Variants in RNF144A observed in about 807,000 individuals in gnomAD.
RNF144A encodes the protein ring finger protein 144A.
Under a neutral mutation model 38.7 loss-of-function variants are expected in RNF144A, and 11 were observed. That is an observed-to-expected ratio of 0.28 (90% CI 0.18 to 0.47). The LOEUF (loss-of-function observed/expected upper bound fraction) is 0.47. Ranked by LOEUF, RNF144A falls within the 20% of genes least tolerant of loss-of-function variation. RNF144A has a pLI of 0.99. For missense variants in RNF144A, 316 were observed against 377.2 expected, an observed-to-expected ratio of 0.84 and a Z score of 1.34; for synonymous variants, 149 against 143.9, an observed-to-expected ratio of 1.04 and a Z score of -0.25.
At chr2:7,002,785 T>C (rs1233427896) in intron 3 of RNF144A, among the ~76,000 whole-genome samples, 1 of 152,188 alleles carries the variant, frequency 6.6e-6, no homozygotes, top group African/African-American at 2.4e-5. Context: ...AAGAGAGGTG[T>C]GGAACAGCCT....
chr2:7,014,218 A>C (rs1320352558), intron 3 of RNF144A, among the ~76,000 whole-genome samples: 1 of 152,206 alleles, frequency 6.6e-6, no homozygotes, highest in African/African-American at 2.4e-5. Context: ...GATCTAACCC[A>C]TAGCCTTAGC....
At chr2:7,023,453 G>A (rs549761497) in intron 6 of RNF144A, among the ~76,000 whole-genome samples, 1 of 152,292 alleles carries the variant, frequency 6.6e-6, no homozygotes, top group African/African-American at 2.4e-5. Flanking sequence ...AAGGAGGGAT[G>A]CATTTTCTCC....
At chr2:6,992,149 A>G (rs187334669) in intron 2 of RNF144A, among the ~76,000 whole-genome samples, 382 of 152,278 alleles carry the variant, frequency 2.5e-3, no homozygotes, top group African/African-American at 8.7e-3. Context: ...TGAGTGAGAT[A>G]GACTTGGTTG....
chr2:6,959,584 C>T (rs975354511), intron 2 of RNF144A, among the ~76,000 whole-genome samples: 15 of 152,172 alleles, frequency 9.9e-5, no homozygotes, highest in African/African-American at 2.9e-4. Context: ...AGGGGCCTCA[C>T]GCGGCATCAT....
In RNF144A at chr2:7,000,780, AG is replaced by A. The variant is rs1422213586; in HGVS notation, c.135+3720del. ...TTCTTAAAAAAAACAGTCTAATGAA[AG>A]TTATTTTTTAATGATGACAAGATTG... On this transcript the variant is annotated intron_variant, in intron 3 of 8. Transcript: ENST00000320892. 2.0e-5 allele frequency among the ~76,000 whole-genome samples: 3 copies of A among 151,910 alleles called. No homozygotes were observed. In the East Asian group the frequency reaches 5.8e-4, roughly 29 times the overall value.
intron 6 of RNF144A, among the ~76,000 whole-genome samples, chr2:7,049,930 A>G (rs1160798369): frequency 6.6e-6 from 1 of 152,256 alleles, no homozygotes; most frequent in Non-Finnish European, 1.5e-5. Flanking sequence ...GCTTTTGGAA[A>G]CGCCAGGGGC....
At chr2:6,949,975 CT>C (rs1293404413) in intron 2 of RNF144A, among the ~76,000 whole-genome samples, 32 of 152,052 alleles carry the variant, frequency 2.1e-4, no homozygotes, top group African/African-American at 7.2e-4. Context: ...ATTTACCCCT[CT>C]AGAAAATTTA....
intron 3 of RNF144A, among the ~76,000 whole-genome samples, chr2:7,009,442 A>G (rs1326263364): frequency 6.6e-6 from 1 of 152,020 alleles, no homozygotes; most frequent in Non-Finnish European, 1.5e-5. Context: ...CTGTGGTGAG[A>G]GCACAGGAGG....
intron 1 of RNF144A, among the ~76,000 whole-genome samples, chr2:6,921,857 C>T (rs1664558851): frequency 6.6e-6 from 1 of 152,168 alleles, no homozygotes; most frequent in South Asian, 2.1e-4. Flanking sequence ...CATTCTGGGC[C>T]TGGGAACAGC....
intron 2 of RNF144A, among the ~76,000 whole-genome samples, chr2:6,974,056 AG>A (rs1668156145): frequency 1.3e-5 from 2 of 152,122 alleles, no homozygotes; most frequent in Admixed American, 1.3e-4. Context: ...CTAGATTTTT[AG>A]GCTATGGCTC....
At chr2:6,930,551 C>T (rs1225729738) in intron 1 of RNF144A, among the ~76,000 whole-genome samples, 4 of 151,906 alleles carry the variant, frequency 2.6e-5, no homozygotes, top group Non-Finnish European at 5.9e-5. Context: ...TAGATACACA[C>T]ACTTTATCTA....
chr2:7,047,921 T>G (rs894284755), downstream of RNF144A, among the ~76,000 whole-genome samples: 1 of 152,152 alleles, frequency 6.6e-6, no homozygotes, highest in African/African-American at 2.4e-5. Context: ...GGAACCCAAG[T>G]CTGCCCTGCG....
Position 6,917,889 on chromosome 2 carries a change from C to G in RNF144A, c.-212+267C>G, listed in dbSNP as rs1293354410. Among the ~76,000 whole-genome samples, 3 of 151,286 alleles carry G rather than the reference C, an allele frequency of 2.0e-5. No individual in the cohort carries two copies. Among genetic ancestry groups the G allele is most frequent in the Non-Finnish European group, 3.0e-5 (2 of 67,752 alleles). ...GCTCTGCTCCTGCCCTGCCCTGCCT[C>G]TCGCAGGCGGCGCCCGCGCCCCAGG... On this transcript the variant is annotated intron_variant, in intron 1 of 8. Coordinates refer to ENST00000320892, the MANE Select transcript of RNF144A (RefSeq NM_014746.6). The surrounding 1 kb of genome is among the most constrained non-coding windows in gnomAD (Gnocchi z 4.8).
At chr2:6,955,367 G>C (rs1209892450) in intron 2 of RNF144A, among the ~76,000 whole-genome samples, 1 of 152,076 alleles carries the variant, frequency 6.6e-6, no homozygotes, top group East Asian at 1.9e-4. Context: ...CCCCTCTGTG[G>C]TTCCCCTCTG....
At chr2:6,992,784 C>G (rs11691419) in intron 2 of RNF144A, among the ~76,000 whole-genome samples, 40,323 of 152,184 alleles carry the variant, frequency 0.26, 6,109 homozygotes, top group Middle Eastern at 0.36. Context: ...CTACAGTGGA[C>G]TATTTTCTCT....
downstream of RNF144A, among the ~76,000 whole-genome samples, chr2:7,070,670 C>T (rs994306685): frequency 1.3e-5 from 2 of 152,154 alleles, no homozygotes; most frequent in African/African-American, 4.8e-5. Context: ...GATCTGGACA[C>T]ATACACCCAG....
At chr2:7,011,784 C>T (rs1670826762) in intron 3 of RNF144A, among the ~76,000 whole-genome samples, 1 of 152,180 alleles carries the variant, frequency 6.6e-6, no homozygotes, top group Non-Finnish European at 1.5e-5. Context: ...TGAGTCATGA[C>T]CCACTTTATA....
chr2:7,028,270 G>A (rs1191205474), intron 7 of RNF144A, among the ~76,000 whole-genome samples: 2 of 152,214 alleles, frequency 1.3e-5, no homozygotes, highest in African/African-American at 2.4e-5. Flanking sequence ...GAACTCATAC[G>A]TGGCCTGGCC....
intron 6 of RNF144A, among the ~76,000 whole-genome samples, chr2:7,057,411 G>C (rs1461261419): frequency 1.3e-5 from 2 of 152,184 alleles, no homozygotes; most frequent in South Asian, 2.1e-4. Flanking sequence ...GGAGGAAATT[G>C]GGGAGTCCCT....
Sources: allele counts gnomAD v4.1 joint callset (sites outside exome capture counted in the v4.1 genomes callset), GRCh38; gene constraint gnomAD v4.1.1; non-coding constraint Gnocchi (gnomAD v3.1); transcripts MANE v1.5; gene names NCBI Gene and HGNC (gene_info 2026-07-23, HGNC 2026-07-21).